The following PCDH9 variants were observed in gnomAD, a reference collection of about 807,000 sequenced individuals.
PCDH9 encodes the protein protocadherin-9.
Under a neutral mutation model 70.6 loss-of-function variants are expected in PCDH9, and 24 were observed. The ratio of observed to expected loss-of-function variants is 0.34; its 90% CI spans 0.25 to 0.48. PCDH9 has a LOEUF of 0.48. Ranked by LOEUF, PCDH9 falls within the 20% of genes least tolerant of loss-of-function variation. PCDH9 has a pLI of 0.99. For synonymous variants in PCDH9, 562 were observed against 558.5 expected (o/e 1.01, Z -0.09); for missense variants, 1,281 against 1,503.6 (o/e 0.85, Z 2.45).
At chr13:66,950,779 A>T (rs1364246981) in intron 2 of PCDH9, among the ~76,000 whole-genome samples, 6 of 152,126 alleles carry the variant, frequency 3.9e-5, no homozygotes, top group Non-Finnish European at 8.8e-5. Context: ...AATTAAAACC[A>T]TGTGAAGAGC....
chr13:66,768,146 T>C (rs2079748458), intron 3 of PCDH9, among the ~76,000 whole-genome samples: 1 of 152,142 alleles, frequency 6.6e-6, no homozygotes, highest in African/African-American at 2.4e-5. Context: ...GTGGTTTTTG[T>C]ATATTTATGA....
At position 66,727,291 on chromosome 13, in the gene PCDH9, T is replaced by C. The variant is rs964421570; in HGVS notation, c.3139-95880A>G. On this transcript the variant is annotated intron_variant, in intron 3 of 4. Transcript: ENST00000377865. ...AGGTAAATTAAAATAAAATAAAAAT[T>C]TTAAACCCTTAATAAGATCGTAATT... Among the ~76,000 whole-genome samples the C allele has an allele frequency of 3.3e-5, 5 of 152,166 alleles. No homozygotes were observed. The South Asian group carries it at 1.0e-3, about 32-fold the overall frequency.
In PCDH9 at chr13:66,874,961, G is replaced by GAGAC. The variant is rs1555279838; in HGVS notation, c.3138+28539_3138+28542dup. On this transcript the variant is annotated intron_variant, in intron 3 of 4. Coordinates refer to ENST00000377865, the MANE Select transcript of PCDH9 (RefSeq NM_203487.3). Reference sequence around the variant, plus strand: ...TGTGTGTGAGAGAGAGAGAGAGAGAGAGACAGAGAGATATGTAGAAGGGGG... The same window carrying GAGAC: ...TGTGTGTGAGAGAGAGAGAGAGAGAGAGACAGACAGAGAGATATGTAGAAGGGGG... 1.8e-3 allele frequency among the ~76,000 whole-genome samples: 274 copies of GAGAC among 150,512 alleles called. 3 individuals carry two copies. In the East Asian group the frequency reaches 0.028, roughly 15 times the overall value.
intron 3 of PCDH9, among the ~76,000 whole-genome samples, chr13:66,727,320 A>G (rs2079018395): frequency 6.6e-6 from 1 of 152,164 alleles, no homozygotes; most frequent in South Asian, 2.1e-4. Context: ...CGTAATTTAC[A>G]CATTAAACTT....
intron 4 of PCDH9, among the ~76,000 whole-genome samples, chr13:66,523,871 A>G (rs1960103586): frequency 2.6e-5 from 4 of 152,124 alleles, no homozygotes; most frequent in Non-Finnish European, 5.9e-5. Flanking sequence ...AAAATACTTA[A>G]GCATAAAATA....
intron 2 of PCDH9, among the ~76,000 whole-genome samples, chr13:66,971,964 A>T (rs1042978912): frequency 2.0e-5 from 3 of 151,936 alleles, no homozygotes; most frequent in African/African-American, 7.2e-5. Context: ...ATAATATATG[A>T]TCTTAATATA....
intron 4 of PCDH9, among the ~76,000 whole-genome samples, chr13:66,415,972 G>C (rs1036981801): frequency 1.3e-5 from 2 of 152,104 alleles, no homozygotes; most frequent in Non-Finnish European, 2.9e-5. Flanking sequence ...CCTGATTATT[G>C]TCACAAATTT....
intron 2 of PCDH9, among the ~76,000 whole-genome samples, chr13:66,934,894 G>T (rs1358790640): frequency 2.0e-5 from 3 of 147,834 alleles, no homozygotes; most frequent in Non-Finnish European, 4.5e-5. Context: ...CTAATTTTTT[G>T]TATTTTTAGT....
intron 4 of PCDH9, among the ~76,000 whole-genome samples, chr13:66,445,516 TATATA>T (rs1958060482): frequency 6.9e-6 from 1 of 143,962 alleles, no homozygotes; most frequent in Non-Finnish European, 1.5e-5. Context: ...TATACACACA[TATATA>T]ATATATACAC....
intron 4 of PCDH9, among the ~76,000 whole-genome samples, chr13:66,574,558 T>TCTAAA (rs2076785064): frequency 6.6e-6 from 1 of 152,168 alleles, no homozygotes; most frequent in Non-Finnish European, 1.5e-5. Flanking sequence ...TCTAAATACT[T>TCTAAA]TGCTGCTAAC....
chr13:67,069,147 G>T (rs1474175119), intron 2 of PCDH9, among the ~76,000 whole-genome samples: 1 of 152,006 alleles, frequency 6.6e-6, no homozygotes, highest in Non-Finnish European at 1.5e-5. Context: ...ATAATAAAAT[G>T]CATTTAACTT....
chr13:66,763,667 A>C (rs1397219712), intron 3 of PCDH9, among the ~76,000 whole-genome samples: 1 of 152,170 alleles, frequency 6.6e-6, no homozygotes, highest in Non-Finnish European at 1.5e-5. Flanking sequence ...AGCTGACTAC[A>C]GAGTAGAAGT....
chr13:66,493,118 A>G (rs1366494223), intron 4 of PCDH9, among the ~76,000 whole-genome samples: 1 of 152,214 alleles, frequency 6.6e-6, no homozygotes, highest in East Asian at 1.9e-4. Flanking sequence ...TTTCAAAGGA[A>G]TGCAAAATAT....
At chr13:66,841,006 GTC>G (rs1223016991) in intron 3 of PCDH9, among the ~76,000 whole-genome samples, 2 of 152,186 alleles carry the variant, frequency 1.3e-5, no homozygotes, top group African/African-American at 2.4e-5. Flanking sequence ...TCGGTGGCTT[GTC>G]TCTCTGAATT....
intron 4 of PCDH9, among the ~76,000 whole-genome samples, chr13:66,514,266 A>T (rs886768447): frequency 6.6e-6 from 1 of 152,054 alleles, no homozygotes; most frequent in African/African-American, 2.4e-5. Flanking sequence ...CCCTAATGTA[A>T]TCCAATAAAA....
intron 2 of PCDH9, among the ~76,000 whole-genome samples, chr13:66,998,916 A>T (rs1448504132): frequency 6.6e-6 from 1 of 152,252 alleles, no homozygotes; most frequent in African/African-American, 2.4e-5. Context: ...CAATTAAAAA[A>T]ATTAAATAAA....
At chr13:66,445,594 T>TTA (rs1491235541) in intron 4 of PCDH9, among the ~76,000 whole-genome samples, 2 of 132,854 alleles carry the variant, frequency 1.5e-5, no homozygotes, top group South Asian at 2.2e-4. Flanking sequence ...CACATATATA[T>TTA]TATATACACA....
chr13:67,133,019 TAAACTC>T (rs1340660186), intron 2 of PCDH9, among the ~76,000 whole-genome samples: 2 of 152,066 alleles, frequency 1.3e-5, no homozygotes, highest in African/African-American at 4.8e-5. Context: ...CCTCAAAAGA[TAAACTC>T]AAAAAGATTG....
At chr13:67,223,499 A>T (rs2089778949) in intron 2 of PCDH9, 1 of 152,152 alleles carries the variant, frequency 6.6e-6, no homozygotes, top group Non-Finnish European at 1.5e-5. Flanking sequence ...ATAAAATACC[A>T]TGTGTATTGT....
Sources: allele counts gnomAD v4.1 joint callset (sites outside exome capture counted in the v4.1 genomes callset), GRCh38; gene constraint gnomAD v4.1.1; transcripts MANE v1.5; gene names NCBI Gene and HGNC (gene_info 2026-07-23, HGNC 2026-07-21).